NRXN1: variants seen among roughly 807,000 people sequenced by gnomAD.
NRXN1 encodes the protein neurexin-1.
In NRXN1, 39 loss-of-function variants were observed where a neutral mutation model predicts 150.9. The observed-to-expected ratio is 0.26, with a 90% CI of 0.20 to 0.34. The LOEUF is 0.34. NRXN1 is among the 10% of genes least tolerant of loss of function. The pLI is 1.00. For missense variants in NRXN1, 1,815 were observed against 1,949.9 expected (o/e 0.93, Z 1.30); for synonymous variants, 924 against 757.0 (o/e 1.22, Z -3.62).
chr2:50,459,684 T>C (rs187611431), intron 17 of NRXN1, among the ~76,000 whole-genome samples: 120 of 152,304 alleles, frequency 7.9e-4, no homozygotes, highest in Admixed American at 1.8e-3. Context: ...GGTGTATATG[T>C]ACCACATTTT....
At chr2:50,590,280 G>C (rs1217118029) in intron 8 of NRXN1, among the ~76,000 whole-genome samples, 4 of 152,128 alleles carry the variant, frequency 2.6e-5, no homozygotes, top group Non-Finnish European at 5.9e-5. Context: ...TGCTGCTGTG[G>C]TTATGGAATG....
chr2:50,764,377 T>C (rs1702157207), intron 5 of NRXN1, among the ~76,000 whole-genome samples: 1 of 152,008 alleles, frequency 6.6e-6, no homozygotes, highest in Non-Finnish European at 1.5e-5. Flanking sequence ...ATACATGACA[T>C]CTAAGGCTGA....
At chr2:50,452,708 G>A (rs2087091761) in intron 17 of NRXN1, among the ~76,000 whole-genome samples, 1 of 152,182 alleles carries the variant, frequency 6.6e-6, no homozygotes, top group Non-Finnish European at 1.5e-5. Flanking sequence ...TGAAGAATAT[G>A]TACCTAATAT....
intron 15 of NRXN1, among the ~76,000 whole-genome samples, chr2:50,480,918 A>T (rs1323307989): frequency 6.6e-6 from 1 of 152,228 alleles, no homozygotes; most frequent in Non-Finnish European, 1.5e-5. Flanking sequence ...CAAAACCAGA[A>T]AAAACAGCTC....
At chr2:50,061,237 T>C (rs1694489085) in intron 19 of NRXN1, among the ~76,000 whole-genome samples, 1 of 152,242 alleles carries the variant, frequency 6.6e-6, no homozygotes, top group Admixed American at 6.5e-5. Flanking sequence ...CTGTCCATTG[T>C]TCAATATACA....
intron 5 of NRXN1, among the ~76,000 whole-genome samples, chr2:50,875,485 T>G (rs1376716790): frequency 6.6e-6 from 1 of 151,728 alleles, no homozygotes; most frequent in Admixed American, 6.6e-5. Flanking sequence ...TACTATATAT[T>G]CAAATCTTTA....
At chr2:50,126,118 G>C (rs1574050170) in intron 18 of NRXN1, among the ~76,000 whole-genome samples, 1 of 152,110 alleles carries the variant, frequency 6.6e-6, no homozygotes, top group Admixed American at 6.6e-5. Flanking sequence ...GAATTAAAAT[G>C]CTGCCACTAG....
intron 5 of NRXN1, among the ~76,000 whole-genome samples, chr2:50,677,442 T>C (rs1376236759): frequency 6.6e-6 from 1 of 152,162 alleles, no homozygotes; most frequent in Non-Finnish European, 1.5e-5. Context: ...AACTCTACTG[T>C]ATTTCAATCT....
At chr2:50,731,776 T>C (rs1698138597) in intron 5 of NRXN1, among the ~76,000 whole-genome samples, 1 of 152,182 alleles carries the variant, frequency 6.6e-6, no homozygotes, top group Non-Finnish European at 1.5e-5. Flanking sequence ...AGATAAGCAA[T>C]ACAGAATTAG....
intron 21 of NRXN1, among the ~76,000 whole-genome samples, chr2:50,043,500 A>G (rs1240823628): frequency 1.3e-5 from 2 of 152,268 alleles, no homozygotes; most frequent in African/African-American, 2.4e-5. Flanking sequence ...GAAAAAATAG[A>G]GATTAGAACC....
intron 21 of NRXN1, among the ~76,000 whole-genome samples, chr2:49,977,006 A>C (rs1409934854): frequency 6.6e-6 from 1 of 152,216 alleles, no homozygotes; most frequent in South Asian, 2.1e-4. Context: ...TGTTTTTACC[A>C]ATAATGGTGT....
In NRXN1 at chr2:49,982,442, GT is replaced by G. The variant is rs140096786; in HGVS notation, c.4129-38652del. Among the ~76,000 whole-genome samples the G allele has an allele frequency of 2.0e-5, 3 of 151,346 alleles. No homozygotes were observed. In the East Asian group the frequency reaches 5.8e-4, roughly 29 times the overall value. ...TCACCAATAACTCTTAGTTGAATTA[GT>G]AAATTACATGACCACAAAAAAGTAA... On this transcript the variant is annotated intron_variant, in intron 21 of 22. Transcript: ENST00000401669.
chr2:50,175,534 T>C (rs2060300527), intron 18 of NRXN1, among the ~76,000 whole-genome samples: 1 of 152,076 alleles, frequency 6.6e-6, no homozygotes, highest in South Asian at 2.1e-4. Context: ...GCATTAAGAC[T>C]TACTACTTTT....
chr2:50,843,184 C>A (rs1430264869), intron 5 of NRXN1, among the ~76,000 whole-genome samples: 2 of 152,154 alleles, frequency 1.3e-5, no homozygotes, highest in African/African-American at 4.8e-5. Flanking sequence ...AAGCTCCTGT[C>A]TTCCTGGAAG....
chr2:50,402,694 T>C (rs765811302), intron 17 of NRXN1, among the ~76,000 whole-genome samples: 5 of 152,134 alleles, frequency 3.3e-5, no homozygotes, highest in South Asian at 4.1e-4. Flanking sequence ...ATAGTCATCA[T>C]TGGCAGTGGG....
At chr2:50,031,001 AC>A (rs1340483101) in intron 21 of NRXN1, among the ~76,000 whole-genome samples, 1 of 152,022 alleles carries the variant, frequency 6.6e-6, no homozygotes, top group Admixed American at 6.6e-5. Context: ...AGAGAGGGGG[AC>A]AAAAAAGGGT....
chr2:50,386,480 T>G (rs2081335623), intron 17 of NRXN1, among the ~76,000 whole-genome samples: 1 of 148,872 alleles, frequency 6.7e-6, no homozygotes. Context: ...AGCGGTTGTC[T>G]TTTTTTCAGC....
chr2:50,499,883 G>A (rs1477391195), intron 13 of NRXN1, among the ~76,000 whole-genome samples: 4 of 150,712 alleles, frequency 2.7e-5, no homozygotes, highest in African/African-American at 9.9e-5. Context: ...GGGAGGCGGA[G>A]GTTGCAGTGA....
Position 50,495,949 on chromosome 2 carries a change from A to C in NRXN1, c.3026T>G (p.Ile1009Ser). The change falls in exon 15 of 23, where the codon ATC becomes AGC. Residue 1009 changes from isoleucine (I) to serine (S), a missense_variant. Transcript: ENST00000401669. ...NLHTVKIDTK[I>S]TTQITAGARN... ...GGCTCCGGCGGTGATTTGCGTTGTG[A>C]TTTTTGTGTCAATCTTTACAGTGTG... The C allele has an allele frequency of 6.2e-7, 1 of 1,610,576 alleles. No individual in the cohort carries two copies. Among genetic ancestry groups the C allele is most frequent in the South Asian group, 1.1e-5 (1 of 90,404 alleles).
Sources: allele counts gnomAD v4.1 joint callset (sites outside exome capture counted in the v4.1 genomes callset), GRCh38; gene constraint gnomAD v4.1.1; transcripts MANE v1.5; gene names NCBI Gene and HGNC (gene_info 2026-07-23, HGNC 2026-07-21).